SPAG16: variants seen among roughly 807,000 people sequenced by gnomAD.
SPAG16 encodes the protein sperm associated antigen 16, also known as sperm-associated antigen 16 protein.
A neutral mutation model predicts 80.4 loss-of-function variants in SPAG16; 86 were observed. The observed-to-expected ratio is 1.07, with a 90% CI of 0.90 to 1.28. The LOEUF (loss-of-function observed/expected upper bound fraction) is 1.28, where lower values mean the gene tolerates loss of function less well. SPAG16 is among the 50% of genes most tolerant of loss of function. SPAG16 has a pLI of 0.00. For missense variants in SPAG16, 870 were observed against 765.3 expected (o/e 1.14, Z -1.61); for synonymous variants, 294 against 265.9 (o/e 1.11, Z -1.03).
chr2:214,133,550 C>T (rs1412749413), intron 14 of SPAG16, among the ~76,000 whole-genome samples: 5 of 151,638 alleles, frequency 3.3e-5, no homozygotes, highest in Admixed American at 6.6e-5. Context: ...CCAGCTACTC[C>T]GGAGCCTGAG....
At chr2:213,453,765 A>G (rs1217092147) in intron 9 of SPAG16, among the ~76,000 whole-genome samples, 1 of 152,202 alleles carries the variant, frequency 6.6e-6, no homozygotes, top group African/African-American at 2.4e-5. Flanking sequence ...ATAGAGTAGA[A>G]AAAGGGAGTC....
chr2:214,315,858 C>T (rs930175197), intron 15 of SPAG16, among the ~76,000 whole-genome samples: 7 of 152,028 alleles, frequency 4.6e-5, no homozygotes, highest in Admixed American at 3.3e-4. Flanking sequence ...CCAAATTATG[C>T]GTAAGTATTT....
chr2:214,330,533 T>C (rs1696840811), intron 15 of SPAG16, among the ~76,000 whole-genome samples: 1 of 152,184 alleles, frequency 6.6e-6, no homozygotes, highest in Non-Finnish European at 1.5e-5. Flanking sequence ...AACAGAATTG[T>C]ACAGAAGGAG....
intron 10 of SPAG16, among the ~76,000 whole-genome samples, chr2:213,740,753 G>C (rs2067511177): frequency 6.6e-6 from 1 of 152,194 alleles, no homozygotes; most frequent in Admixed American, 6.5e-5. Context: ...GTAACTGTTG[G>C]CTGAACACCC....
intron 9 of SPAG16, among the ~76,000 whole-genome samples, chr2:213,394,265 T>C (rs908626133): frequency 1.8e-4 from 27 of 152,254 alleles, no homozygotes; most frequent in Middle Eastern, 3.4e-3. Flanking sequence ...CCCAATATAA[T>C]TATCTAAATC....
At chr2:214,297,830 T>C (rs1694243677) in intron 15 of SPAG16, among the ~76,000 whole-genome samples, 1 of 151,584 alleles carries the variant, frequency 6.6e-6, no homozygotes, top group Non-Finnish European at 1.5e-5. Flanking sequence ...GCTCTTTTTT[T>C]TTTTTTGGTT....
chr2:213,853,425 T>C (rs1437106578), intron 10 of SPAG16, among the ~76,000 whole-genome samples: 1 of 152,198 alleles, frequency 6.6e-6, no homozygotes, highest in African/African-American at 2.4e-5. Flanking sequence ...TGGTCTATTA[T>C]AAGAAATGTG....
At chr2:213,512,651 C>T (rs756090425) in intron 10 of SPAG16, among the ~76,000 whole-genome samples, 12 of 152,278 alleles carry the variant, frequency 7.9e-5, no homozygotes, top group Non-Finnish European at 1.6e-4. Flanking sequence ...GAGCCCAGCA[C>T]TGTGCAGGTC....
intron 12 of SPAG16, among the ~76,000 whole-genome samples, chr2:213,960,018 A>T (rs1055703712): frequency 6.6e-6 from 1 of 152,128 alleles, no homozygotes; most frequent in Non-Finnish European, 1.5e-5. Flanking sequence ...TATTCCCACA[A>T]TACTTGTCTG....
At chr2:214,092,426 A>G (rs866801717) in intron 13 of SPAG16, among the ~76,000 whole-genome samples, 26 of 151,814 alleles carry the variant, frequency 1.7e-4, no homozygotes, top group Non-Finnish European at 5.9e-5. Flanking sequence ...CTTTTCATAC[A>G]TTTATTGTCC....
intron 10 of SPAG16, among the ~76,000 whole-genome samples, chr2:213,798,993 A>G (rs1213717888): frequency 1.3e-5 from 2 of 152,178 alleles, no homozygotes; most frequent in Non-Finnish European, 2.9e-5. Flanking sequence ...ATAAGTTTTG[A>G]AATGGGGAAA....
intron 11 of SPAG16, among the ~76,000 whole-genome samples, chr2:213,874,619 T>C (rs1575425979): frequency 1.3e-5 from 2 of 152,268 alleles, no homozygotes; most frequent in Non-Finnish European, 2.9e-5. Context: ...ATGAGTAATG[T>C]GTAGCCATAT....
intron 10 of SPAG16, among the ~76,000 whole-genome samples, chr2:213,832,880 T>G (rs1392393796): frequency 6.6e-6 from 1 of 152,036 alleles, no homozygotes; most frequent in Non-Finnish European, 1.5e-5. Context: ...TTTAAGAGAG[T>G]CAGCATGACC....
chr2:214,264,999 C>T (rs1278433950), intron 15 of SPAG16, among the ~76,000 whole-genome samples: 1 of 152,090 alleles, frequency 6.6e-6, no homozygotes, highest in African/African-American at 2.4e-5. Context: ...CATTTTATGG[C>T]TTTACTACAG....
chr2:213,631,061 G>T (rs1040347997), intron 10 of SPAG16, among the ~76,000 whole-genome samples: 4 of 151,946 alleles, frequency 2.6e-5, no homozygotes, highest in Non-Finnish European at 5.9e-5. Context: ...GAAAATCCAG[G>T]GAAAACACTA....
Position 214,250,733 on chromosome 2 carries a change from G to GAT in SPAG16, c.1720+101491_1720+101492dup, listed in dbSNP as rs59644776. ...ATATATATTTCTAAAGGAGCTTTGA[G>GAT]ATATATATATATATATATATATATA... On this transcript the variant is annotated intron_variant, in intron 15 of 15. Transcript: ENST00000331683. Among the ~76,000 whole-genome samples the GAT allele has an allele frequency of 9.5e-3, 1,061 of 112,208 alleles. 9 individuals carry two copies. The highest frequency in any genetic ancestry group is 0.028 in the African/African-American group (806 of 29,268). The allele number at this position is 112,208 out of a possible 152,430, so 73.6% of individuals were successfully genotyped here.
chr2:214,088,334 G>A (rs1220487327), intron 13 of SPAG16, among the ~76,000 whole-genome samples: 2 of 140,498 alleles, frequency 1.4e-5, no homozygotes, highest in East Asian at 3.9e-4. Flanking sequence ...ATCTGCATAT[G>A]CAGTTTGAAA....
chr2:213,449,584 C>T (rs1159939291), intron 9 of SPAG16, among the ~76,000 whole-genome samples: 1 of 152,180 alleles, frequency 6.6e-6, no homozygotes, highest in Non-Finnish European at 1.5e-5. Flanking sequence ...TATTTCTCAG[C>T]TGGCTGACAC....
intron 15 of SPAG16, among the ~76,000 whole-genome samples, chr2:214,259,973 G>A (rs894667522): frequency 3.9e-5 from 6 of 152,030 alleles, no homozygotes; most frequent in South Asian, 2.1e-4. Context: ...ATTTTACTAA[G>A]ATTATGTAAT....
Sources: allele counts gnomAD v4.1 joint callset (sites outside exome capture counted in the v4.1 genomes callset), GRCh38; gene constraint gnomAD v4.1.1; transcripts MANE v1.5; gene names NCBI Gene and HGNC (gene_info 2026-07-23, HGNC 2026-07-21).